Variants in REV1 observed in about 807,000 individuals in gnomAD.
REV1 encodes the protein translesion synthesis protein REV1.
In REV1, 42 loss-of-function variants were observed where a neutral mutation model predicts 137.4. The ratio of observed to expected loss-of-function variants is 0.31; its 90% CI spans 0.24 to 0.40. The LOEUF (loss-of-function observed/expected upper bound fraction) is 0.40, where lower values mean the gene tolerates loss of function less well. REV1 is among the 10% of genes least tolerant of loss of function. REV1 has a pLI of 1.00. For synonymous variants in REV1, 524 were observed against 519.2 expected (o/e 1.01, Z -0.12); for missense variants, 1,282 against 1,490.1 (o/e 0.86, Z 2.30).
chr2:99,478,434 G>A (rs934334431), intron 1 of REV1, among the ~76,000 whole-genome samples: 15 of 152,162 alleles, frequency 9.9e-5, no homozygotes, highest in African/African-American at 3.4e-4. Flanking sequence ...GCAGGATCAA[G>A]CTACGAAGGA....
At chr2:99,441,123 CGTATTCT>C (rs28382875) in intron 5 of REV1, among the ~76,000 whole-genome samples, 33,139 of 151,818 alleles carry the variant, frequency 0.22, 4,083 homozygotes, top group Admixed American at 0.31. Context: ...GCTAAAGCTA[CGTATTCT>C]GTGAAAAGGT....
At chr2:99,456,296 A>T (rs751177230) in intron 3 of REV1, among the ~76,000 whole-genome samples, 2 of 152,268 alleles carry the variant, frequency 1.3e-5, no homozygotes, top group Non-Finnish European at 2.9e-5. Context: ...AGATATGGCA[A>T]TGAACAAGAC....
chr2:99,408,101 A>G lies in REV1; in HGVS notation c.2376T>C (p.Asn792=). 1 of 1,610,144 alleles carries G rather than the reference A, an allele frequency of 6.2e-7. No individual in the cohort carries two copies. Among genetic ancestry groups the G allele is most frequent in the Non-Finnish European group, 8.5e-7 (1 of 1,178,338 alleles). The stretch of plus-strand genomic sequence containing the variant: ...GCATCGCCTTTCCAATTATTTTTGC[A>G]TTATCTGTTGCCTGGTCAAGAGTTA... The part of the protein sequence containing the change: ...RTVTLDQATD[N]AKIIGKAMLN... Residue 792 remains asparagine (N), a synonymous_variant, in exon 15 of 23, where the codon AAT becomes AAC. Coordinates refer to ENST00000258428, the MANE Select transcript of REV1 (RefSeq NM_016316.4).
chr2:99,410,829 T>G lies in REV1; in HGVS notation c.2211A>C (p.Glu737Asp). 1 of 1,599,046 alleles carries G rather than the reference T, an allele frequency of 6.3e-7. No homozygotes were observed. The highest frequency in any genetic ancestry group is 8.5e-7 in the Non-Finnish European group (1 of 1,176,356). The change falls in exon 14 of 23, where the codon GAA (glutamate) becomes GAC (aspartate). Residue 737 changes from glutamate (E) to aspartate (D), a missense_variant. Glu to Asp is a conservative substitution (Grantham distance 45). Transcript: ENST00000258428. The part of the protein sequence containing the change: ...EAEAFLLSLS[E>D]EIQRRLEATG... ...TGGCTTCTAGTCTTCTTTGAATTTC[T>G]TCTGAAAGACTCAGAAGAAAAGCTT...
chr2:99,437,041 T>G (rs1385308526), intron 6 of REV1, among the ~76,000 whole-genome samples: 1 of 149,488 alleles, frequency 6.7e-6, no homozygotes, highest in Non-Finnish European at 1.5e-5. Context: ...CAGTCTGGAG[T>G]GCAGTGGTGC....
chr2:99,459,006 A>C (rs1165368010), intron 3 of REV1, among the ~76,000 whole-genome samples: 4 of 152,114 alleles, frequency 2.6e-5, no homozygotes, highest in African/African-American at 4.8e-5. Context: ...CAGGAGATCA[A>C]GACCATACTG....
intron 1 of REV1, among the ~76,000 whole-genome samples, chr2:99,478,626 A>C (rs1029651356): frequency 2.0e-5 from 3 of 152,250 alleles, no homozygotes; most frequent in Non-Finnish European, 4.4e-5. Flanking sequence ...CAGAAGAGCT[A>C]GTAACAGGAA....
chr2:99,417,276 A>C (rs1678029858), intron 12 of REV1, among the ~76,000 whole-genome samples: 1 of 152,030 alleles, frequency 6.6e-6, no homozygotes, highest in South Asian at 2.1e-4. Context: ...AGTAGCTGGG[A>C]CTACAGGCAT....
chr2:99,410,099 C>T (rs1160583613), intron 14 of REV1, among the ~76,000 whole-genome samples: 4 of 152,002 alleles, frequency 2.6e-5, no homozygotes, highest in Non-Finnish European at 2.9e-5. Context: ...CAACCTCTGC[C>T]TCCTGGGTTC....
intron 21 of REV1, 47 bp downstream of exon 21, chr2:99,402,597 G>A (rs1559271796): frequency 7.9e-6 from 12 of 1,516,366 alleles, no homozygotes; most frequent in Non-Finnish European, 1.0e-5. Context: ...CAAATCATGA[G>A]ACGACTACAT....
Position 99,404,583 on chromosome 2 carries a change from T to G in REV1, c.2906A>C (p.Lys969Thr), listed in dbSNP as rs372674771. The change falls in exon 18 of 23, where the codon AAA becomes ACA. Residue 969 changes from lysine (K) to threonine (T), a missense_variant. Physicochemically the swap from Lys to Thr is moderately conservative, Grantham distance 78. Transcript: ENST00000258428. ...AVQQAESHGDKKKEPVNGCNT... is the reference protein window; with the variant it reads ...AVQQAESHGDTKKEPVNGCNT... ...ACAGCCATTTACTGGTTCTTTCTTT[T>G]TGTCGCCATGTGACTCTGCTTGCTG... 6 of 1,614,036 alleles carry G rather than the reference T, an allele frequency of 3.7e-6. No homozygotes were observed. The highest frequency in any genetic ancestry group is 5.1e-6 in the Non-Finnish European group (6 of 1,180,020).
chr2:99,439,076 G>C lies in REV1; in HGVS notation c.738C>G (p.Val246=), dbSNP rs1351647240. The C allele has an allele frequency of 6.2e-7, 1 of 1,614,054 alleles. No homozygotes were observed. Among genetic ancestry groups the C allele is most frequent in the Non-Finnish European group, 8.5e-7 (1 of 1,179,968 alleles). ...LKTQDCLVPM[V]NSVASRLSPA... is the part of the protein sequence containing the mutation. Reference sequence around the variant, plus strand: ...GAGAAAGCCTGCTGGCAACACTGTTGACCATGGGCACCAAGCAATCCTGTG... The same window carrying C: ...GAGAAAGCCTGCTGGCAACACTGTTCACCATGGGCACCAAGCAATCCTGTG... Residue 246 remains valine (V), a synonymous_variant, in exon 6 of 23, where the codon GTC becomes GTG. Coordinates refer to ENST00000258428, the MANE Select transcript of REV1 (RefSeq NM_016316.4).
chr2:99,411,725 A>G (rs1052618383), intron 13 of REV1, among the ~76,000 whole-genome samples: 1 of 150,788 alleles, frequency 6.6e-6, no homozygotes, highest in Middle Eastern at 3.2e-3. Context: ...TTTCTTTTCT[A>G]TGCCATCACT....
chr2:99,413,111 G>C (rs918950991), intron 12 of REV1, among the ~76,000 whole-genome samples, 160 bp from the exon 13 acceptor site: 3 of 152,052 alleles, frequency 2.0e-5, no homozygotes, highest in African/African-American at 4.8e-5. Flanking sequence ...AGAATTTTTT[G>C]GTGCAAAATC....
At chr2:99,409,177 A>G (rs1251360776) in intron 14 of REV1, among the ~76,000 whole-genome samples, 3 of 152,266 alleles carry the variant, frequency 2.0e-5, no homozygotes, top group South Asian at 2.1e-4. Context: ...CATGTGTATC[A>G]TAACAGGTAG....
chr2:99,432,627 T>C (rs1468060427), intron 8 of REV1, among the ~76,000 whole-genome samples: 2 of 152,186 alleles, frequency 1.3e-5, no homozygotes, highest in Non-Finnish European at 2.9e-5. Flanking sequence ...AGTAAGAGTA[T>C]AAAATACAAA....
intron 1 of REV1, among the ~76,000 whole-genome samples, chr2:99,486,931 T>C (rs1177836455): frequency 6.6e-6 from 1 of 150,594 alleles, no homozygotes; most frequent in Non-Finnish European, 1.5e-5. Flanking sequence ...AAAAAAACAG[T>C]GTATCTTCAC....
intron 8 of REV1, chr2:99,431,778 C>T (rs944841140): frequency 8.4e-5 from 83 of 985,312 alleles, no homozygotes; most frequent in Middle Eastern, 5.2e-4. Context: ...GGTCCCTCCA[C>T]GAGCGGAGTG....
intron 9 of REV1, among the ~76,000 whole-genome samples, chr2:99,428,100 A>C (rs1679617775): frequency 6.6e-6 from 1 of 151,922 alleles, no homozygotes; most frequent in African/African-American, 2.4e-5. Context: ...TTGGTGGGGG[A>C]CTGGGTATGA....
Sources: allele counts gnomAD v4.1 joint callset (sites outside exome capture counted in the v4.1 genomes callset), GRCh38; gene constraint gnomAD v4.1.1; transcripts MANE v1.5; gene names NCBI Gene and HGNC (gene_info 2026-07-23, HGNC 2026-07-21).